The following MTNR1B variants were observed in gnomAD, a reference collection of about 807,000 sequenced individuals.
The protein encoded by MTNR1B is melatonin receptor type 1B.
A neutral mutation model predicts 7.0 loss-of-function variants in MTNR1B; 7 were observed. The ratio of observed to expected loss-of-function variants is 1.00; its 90% confidence interval spans 0.57 to 1.88. The LOEUF (loss-of-function observed/expected upper bound fraction) is 1.88, where lower values mean the gene tolerates loss of function less well. Among genes scored for constraint, MTNR1B ranks in the 40% most tolerant of loss-of-function variants. MTNR1B has a pLI of 0.00. For missense variants in MTNR1B, 478 were observed against 486.5 expected, an observed-to-expected ratio of 0.98 and a Z score of 0.16; for synonymous variants, 226 against 208.2, an observed-to-expected ratio of 1.09 and a Z score of -0.74.
downstream of MTNR1B, among the ~76,000 whole-genome samples, chr11:92,984,014 C>G (rs955847808): frequency 3.9e-5 from 6 of 152,116 alleles, no homozygotes; most frequent in East Asian, 1.9e-4. Context: ...ATGACAGCAC[C>G]CTACTTCTAT....
chr11:92,982,673 TC>T lies in MTNR1B; in HGVS notation c.*367del. 9 of 272,906 alleles carry T rather than the reference TC, an allele frequency of 3.3e-5. No homozygotes were observed. The highest frequency in any genetic ancestry group is 1.2e-3 in the Middle Eastern group (1 of 846). The allele number at this position is 272,906 out of a possible 1,614,324, so 16.9% of individuals were successfully genotyped here. ...TGGCCTCCTGGCTGCTTTCTCCCCT[TC>T]CCCCCAGCGTGGCAGGATCTCTTCC... On this transcript the variant is annotated 3_prime_UTR_variant, in exon 2 of 2. Coordinates refer to ENST00000257068, the MANE Select transcript of MTNR1B (RefSeq NM_005959.5).
intron 1 of MTNR1B, among the ~76,000 whole-genome samples, 166 bp from the exon 2 acceptor site, chr11:92,981,281 T>G (rs960854246): frequency 6.6e-6 from 1 of 152,204 alleles, no homozygotes; most frequent in Non-Finnish European, 1.5e-5. Context: ...CTCAGTCATA[T>G]AGCTAGTGAG....
In MTNR1B at chr11:92,974,378, A is replaced by T. The variant is rs143235104; in HGVS notation, c.223+4430A>T. On this transcript the variant is annotated intron_variant, in intron 1 of 1. Coordinates refer to ENST00000257068, the MANE Select transcript of MTNR1B (RefSeq NM_005959.5). Reference sequence around the variant, plus strand: ...TTGCTCTTCCTTGCCTTCCACCATGATTGGGAGGCTTCCCCAGCCATGTAG... The same window carrying T: ...TTGCTCTTCCTTGCCTTCCACCATGTTTGGGAGGCTTCCCCAGCCATGTAG... Among the ~76,000 whole-genome samples the T allele has an allele frequency of 9.0e-4, 137 of 152,322 alleles. 1 individual carries two copies. Among genetic ancestry groups the T allele is most frequent in the African/African-American group, 3.1e-3 (129 of 41,572 alleles).
intron 1 of MTNR1B, chr11:92,972,568 CAGGGCACCGACCCAA>C: frequency 2.2e-6 from 1 of 455,670 alleles, no homozygotes; most frequent in Non-Finnish European, 4.4e-6. Flanking sequence ...GAGGTAGGGT[CAGGGCACCGACCCAA>C]CTTAAAAGGT....
rs916408884 is a variant in MTNR1B, at chr11:92,981,670, C to A, written c.447C>A (p.His149Gln). ...YCYICHSMAY[H>Q]RIYRRWHTPL... ...ACATCTGCCACAGCATGGCCTACCA[C>A]CGAATCTACCGGCGCTGGCACACCC... Residue 149 changes from histidine to glutamine, a missense_variant, in exon 2 of 2, where the codon CAC (histidine) becomes CAA (glutamine). By Grantham distance (24) the His-to-Gln change is conservative. Transcript: ENST00000257068. 11 of 1,614,134 alleles carry A rather than the reference C, an allele frequency of 6.8e-6. No homozygotes were observed. The highest frequency in any genetic ancestry group is 1.1e-5 in the South Asian group (1 of 91,094).
At chr11:92,982,947 C>CACA (rs1554991419), downstream of MTNR1B, among the ~76,000 whole-genome samples, 203 of 66,322 alleles carry the variant, frequency 3.1e-3, 3 homozygotes, top group Admixed American at 9.6e-3. Flanking sequence ...CCCCCCCCCC[C>CACA]CACACACACA....
chr11:92,981,628 C>T lies in MTNR1B; in HGVS notation c.405C>T (p.Ala135=), dbSNP rs1260424397. ...CTGTCTTCAATATCACTGCCATCGC[C>T]ATTAACCGCTACTGCTACATCTGCC... ...IGSVFNITAI[A]INRYCYICHS... Residue 135 remains alanine (A), a synonymous_variant, in exon 2 of 2, where the codon GCC becomes GCT. Transcript: ENST00000257068. The T allele has an allele frequency of 6.2e-7, 1 of 1,614,218 alleles. No individual in the cohort carries two copies. Among genetic ancestry groups the T allele is most frequent in the African/African-American group, 1.3e-5 (1 of 75,056 alleles).
rs1313310533 is a variant in MTNR1B at position 92,969,749 on chromosome 11, C to T, written c.24C>T (p.Ala8=). 2 of 1,494,824 alleles carry T rather than the reference C, an allele frequency of 1.3e-6. No homozygotes were observed. The highest frequency in any genetic ancestry group is 2.5e-5 in the East Asian group (1 of 39,756). 92.6% of individuals were successfully genotyped at this position (1,494,824 alleles called of 1,614,324 possible). MSENGSF[A]NCCEAGGWAV... ...CGATGTCAGAGAACGGCTCCTTCGC[C>T]AACTGCTGCGAGGCGGGCGGGTGGG... The change falls in exon 1 of 2, where the codon GCC becomes GCT. Residue 8 remains alanine, a synonymous_variant. Transcript: ENST00000257068.
intron 1 of MTNR1B, among the ~76,000 whole-genome samples, chr11:92,974,303 C>T (rs1281936581): frequency 6.6e-6 from 1 of 152,210 alleles, no homozygotes; most frequent in African/African-American, 2.4e-5. Context: ...GAGAAACTCC[C>T]CTGCACAAGC....
At chr11:92,972,043 C>A (rs1451534080) in intron 1 of MTNR1B, among the ~76,000 whole-genome samples, 1 of 152,188 alleles carries the variant, frequency 6.6e-6, no homozygotes, top group East Asian at 1.9e-4. Flanking sequence ...CAGTCACAAA[C>A]AATTGTAGTA....
chr11:92,973,584 C>T (rs1857966204), intron 1 of MTNR1B, among the ~76,000 whole-genome samples: 1 of 152,222 alleles, frequency 6.6e-6, no homozygotes, highest in Non-Finnish European at 1.5e-5. Flanking sequence ...CAGTCAACAG[C>T]TGCTCCTCCT....
At chr11:92,973,548 G>C (rs1238198950) in intron 1 of MTNR1B, among the ~76,000 whole-genome samples, 2 of 152,156 alleles carry the variant, frequency 1.3e-5, no homozygotes, top group African/African-American at 2.4e-5. Context: ...TGCACTCCCT[G>C]ATGTACTTTC....
intron 1 of MTNR1B, chr11:92,972,534 C>T (rs1025210161): frequency 2.6e-5 from 12 of 456,102 alleles, no homozygotes; most frequent in Admixed American, 4.7e-5. Flanking sequence ...GAAAGGCAGA[C>T]AGGGAGGAGT....
chr11:92,982,936 A>AACCCCCCC (rs1858140850), downstream of MTNR1B, among the ~76,000 whole-genome samples: 2 of 49,168 alleles, frequency 4.1e-5, no homozygotes, highest in Admixed American at 2.6e-4. Flanking sequence ...AACACACTGC[A>AACCCCCCC]CCCCCCCCCC....
chr11:92,971,033 C>T (rs915738967), intron 1 of MTNR1B, among the ~76,000 whole-genome samples: 1 of 151,934 alleles, frequency 6.6e-6, no homozygotes, highest in Admixed American at 6.6e-5. Flanking sequence ...GGTCTAGGCT[C>T]ACTGCAACCT....
At chr11:92,980,892 C>T (rs1477307844) in intron 1 of MTNR1B, among the ~76,000 whole-genome samples, 1 of 152,210 alleles carries the variant, frequency 6.6e-6, no homozygotes, top group Non-Finnish European at 1.5e-5. Context: ...AGTCCAGCTG[C>T]AAAATGCAAT....
rs1858128539 is a variant in MTNR1B, at chr11:92,982,492, T to A, written c.*180T>A. On this transcript the variant is annotated 3_prime_UTR_variant, in exon 2 of 2. Coordinates refer to ENST00000257068, the MANE Select transcript of MTNR1B (RefSeq NM_005959.5). ...CATCAACGCCATGGGTTCAGGCTGA[T>A]CCAGGAGATGCTCACAGGCCACAGG... The A allele has an allele frequency of 4.2e-6, 3 of 708,622 alleles. No individual in the cohort carries two copies. Among genetic ancestry groups the A allele is most frequent in the Non-Finnish European group, 6.8e-6 (3 of 439,848 alleles). The allele number at this position is 708,622 out of a possible 1,614,324, so 43.9% of individuals were successfully genotyped here. A position where few individuals can be genotyped will look rare whatever the true frequency, so the allele number is the denominator to read the frequency against.
chr11:92,971,520 C>G (rs1857922639), intron 1 of MTNR1B, among the ~76,000 whole-genome samples: 1 of 152,172 alleles, frequency 6.6e-6, no homozygotes, highest in Non-Finnish European at 1.5e-5. Context: ...CCATCATAAA[C>G]ATTCATTTCC....
At chr11:92,978,113 C>T (rs930416271) in intron 1 of MTNR1B, among the ~76,000 whole-genome samples, 1 of 152,108 alleles carries the variant, frequency 6.6e-6, no homozygotes, top group African/African-American at 2.4e-5. Context: ...TATGTCTAAC[C>T]AAATTTTTCT....
Sources: allele counts gnomAD v4.1 joint callset (sites outside exome capture counted in the v4.1 genomes callset), GRCh38; gene constraint gnomAD v4.1.1; transcripts MANE v1.5; gene names NCBI Gene and HGNC (gene_info 2026-07-23, HGNC 2026-07-21).